The following USP34 variants were observed in gnomAD, a reference collection of about 807,000 sequenced individuals.
USP34 encodes the protein ubiquitin specific peptidase 34.
Under a neutral mutation model 460.3 loss-of-function variants are expected in USP34, and 70 were observed. The observed-to-expected ratio is 0.15, with a 90% CI of 0.13 to 0.19. The LOEUF (loss-of-function observed/expected upper bound fraction) is 0.19. USP34 is among the 10% of genes least tolerant of loss of function. The pLI is 1.00. For missense variants in USP34, 3,985 were observed against 4,236.2 expected, an observed-to-expected ratio of 0.94 and a Z score of 1.65; for synonymous variants, 1,647 against 1,405.3, an observed-to-expected ratio of 1.17 and a Z score of -3.85.
intron 1 of USP34, among the ~76,000 whole-genome samples, chr2:61,432,013 T>C (rs1558590747): frequency 6.8e-6 from 1 of 148,020 alleles, no homozygotes; most frequent in African/African-American, 2.4e-5. Flanking sequence ...CCTATAAATA[T>C]GTATAAGAAT....
chr2:61,416,821 T>TTTGGGG, intron 2 of USP34: 5 of 215,906 alleles, frequency 2.3e-5, no homozygotes, highest in Non-Finnish European at 2.5e-5. Context: ...TTTTTTTTTT[T>TTTGGGG]GGGGGGGGGG....
At chr2:61,332,429 T>C (rs1691298844) in intron 19 of USP34, among the ~76,000 whole-genome samples, 1 of 151,984 alleles carries the variant, frequency 6.6e-6, no homozygotes, top group African/African-American at 2.4e-5. Context: ...TTAAGCTTAT[T>C]TACATTTAAT....
chr2:61,417,350 A>G, intron 2 of USP34: 1 of 611,534 alleles, frequency 1.6e-6, no homozygotes, highest in East Asian at 2.8e-5. Flanking sequence ...CCATAAGGAA[A>G]GGAATTCAGT....
intron 57 of USP34, among the ~76,000 whole-genome samples, chr2:61,233,975 G>T (rs1253558706): frequency 6.6e-6 from 1 of 152,088 alleles, no homozygotes; most frequent in Non-Finnish European, 1.5e-5. Context: ...ATGGATGCAT[G>T]ATCTATTTAG....
At chr2:61,304,094 C>T (rs1439270375) in intron 27 of USP34, among the ~76,000 whole-genome samples, 2 of 152,034 alleles carry the variant, frequency 1.3e-5, no homozygotes, top group African/African-American at 4.8e-5. Context: ...GACAGGGTTT[C>T]GTCATGTTGG....
chr2:61,395,785 CAAAAAAAAAAA>C (rs541139131), intron 3 of USP34, among the ~76,000 whole-genome samples: 1 of 29,360 alleles, frequency 3.4e-5, no homozygotes, highest in Admixed American at 4.5e-4. Context: ...GACTCCGTCT[CAAAAAAAAAAA>C]AAAAAAAAAA....
chr2:61,252,763 T>C (rs1688621230), intron 48 of USP34, among the ~76,000 whole-genome samples: 1 of 152,172 alleles, frequency 6.6e-6, no homozygotes, highest in Non-Finnish European at 1.5e-5. Context: ...CTAACAATTC[T>C]GAAGAATAAC....
intron 5 of USP34, among the ~76,000 whole-genome samples, chr2:61,386,057 G>C (rs1181286914): frequency 6.6e-6 from 1 of 150,816 alleles, no homozygotes; most frequent in Non-Finnish European, 1.5e-5. Context: ...CAGAGAGCAA[G>C]ACTTCTTGTA....
At chr2:61,195,091 A>G (rs1183747176) in intron 75 of USP34, among the ~76,000 whole-genome samples, 3 of 151,896 alleles carry the variant, frequency 2.0e-5, no homozygotes, top group African/African-American at 4.8e-5. Context: ...GTGGTGGCAC[A>G]CACCTGTAAT....
At chr2:61,395,693 G>A (rs1462134736) in intron 3 of USP34, among the ~76,000 whole-genome samples, 2 of 148,612 alleles carry the variant, frequency 1.3e-5, no homozygotes, top group African/African-American at 2.5e-5. Flanking sequence ...GGCTGAGGCA[G>A]GAGAATGGCG....
At chr2:61,437,814 TAAAA>T (rs1553391362) in intron 1 of USP34, among the ~76,000 whole-genome samples, 58 of 150,116 alleles carry the variant, frequency 3.9e-4, no homozygotes, top group Non-Finnish European at 6.1e-4. Context: ...AATAAATAAA[TAAAA>T]AACCTGAACA....
chr2:61,377,589 C>A (rs1472015429), intron 8 of USP34, among the ~76,000 whole-genome samples: 1 of 152,000 alleles, frequency 6.6e-6, no homozygotes, highest in Admixed American at 6.6e-5. Flanking sequence ...CCTCTTTCCA[C>A]CATGCGAAAA....
At chr2:61,307,467 A>T (rs1010868545) in intron 27 of USP34, among the ~76,000 whole-genome samples, 2 of 152,144 alleles carry the variant, frequency 1.3e-5, no homozygotes, top group African/African-American at 4.8e-5. Context: ...ATTTAAAAAA[A>T]AAGAGTTTAT....
chr2:61,262,399 A>C (rs558787433), intron 43 of USP34, among the ~76,000 whole-genome samples: 6 of 152,108 alleles, frequency 3.9e-5, no homozygotes. Flanking sequence ...TATGTACTCA[A>C]TATTTAGCTC....
At position 61,348,885 on chromosome 2, in the gene USP34, C is replaced by A. The variant is rs774423370; in HGVS notation, c.1545G>T (p.Trp515Cys). ...EELRRTAPSP[W>C]SPAASPQSSD... ...TGCTTTGAGGACTAGCTGCAGGTGA[C>A]CCTATATAAAATACATTTTTTGTTT... Residue 515 changes from tryptophan (W) to cysteine (C), a missense_variant and splice_region_variant, in exon 14 of 80, where the codon TGG (tryptophan) becomes TGT (cysteine). Transcript: ENST00000398571. 1.2e-6 allele frequency: 2 copies of A among 1,601,372 alleles called. No individual in the cohort carries two copies. Among genetic ancestry groups the A allele is most frequent in the Non-Finnish European group, 1.7e-6 (2 of 1,176,298 alleles).
chr2:61,268,438 TAAAAAAAAAAAA>T lies in USP34; in HGVS notation c.5434-2283_5434-2272del, dbSNP rs35618230. ...TTTGAGTTCATGCAAGAGCTGTTGTTAAAAAAAAAAAAAAAAAAAAAAAAAAAAAAGTGTTGC... is the reference window on the plus strand; with the variant it reads ...TTTGAGTTCATGCAAGAGCTGTTGTTAAAAAAAAAAAAAAAAAAGTGTTGC... On this transcript the variant is annotated intron_variant, in intron 41 of 79. Transcript: ENST00000398571. Among the ~76,000 whole-genome samples, 21 of 53,416 alleles carry T rather than the reference TAAAAAAAAAAAA, an allele frequency of 3.9e-4. 1 individual carries two copies. The highest frequency in any genetic ancestry group is 1.4e-3 in the African/African-American group (19 of 13,462). The allele number at this position is 53,416 out of a possible 152,430, so 35.0% of individuals were successfully genotyped here.
chr2:61,316,482 G>C (rs895209731), intron 23 of USP34, among the ~76,000 whole-genome samples: 1 of 151,988 alleles, frequency 6.6e-6, no homozygotes, highest in African/African-American at 2.4e-5. Context: ...CTACTCAAGA[G>C]GCTGAGGCAT....
chr2:61,327,819 G>A (rs756795215), intron 20 of USP34, among the ~76,000 whole-genome samples: 1 of 152,086 alleles, frequency 6.6e-6, no homozygotes, highest in Non-Finnish European at 1.5e-5. Context: ...TATCAATATT[G>A]ACAAATTCTC....
At chr2:61,193,143 A>G (rs1686689083) in intron 75 of USP34, 163 bp from the exon 76 acceptor site, 2 of 574,006 alleles carry the variant, frequency 3.5e-6, no homozygotes, top group African/African-American at 3.8e-5. Flanking sequence ...GTTTAGTGAA[A>G]TATCTTAGAA....
Sources: gnomAD v4.1 joint callset for allele counts (sites outside exome capture counted in the v4.1 genomes callset) on GRCh38, gnomAD v4.1.1 for gene constraint, MANE v1.5 for transcripts, NCBI Gene and HGNC (gene_info 2026-07-23, HGNC 2026-07-21) for gene names.